Variants in CELF2 observed in about 807,000 individuals in gnomAD.
CELF2 encodes CUG triplet repeat RNA-binding protein 2.
In CELF2, 8 loss-of-function variants were observed where a neutral mutation model predicts 62.6. The observed-to-expected ratio is 0.13, with a 90% CI of 0.07 to 0.23. The LOEUF (loss-of-function observed/expected upper bound fraction) is 0.23. CELF2 is among the 10% of genes least tolerant of loss of function. The pLI is 1.00. For synonymous variants in CELF2, 258 were observed against 250.0 expected (o/e 1.03, Z -0.30); for missense variants, 333 against 671.0 (o/e 0.50, Z 5.56).
chr10:11,321,166 C>A lies in CELF2; in HGVS notation c.1097-23C>A. 1 of 1,612,538 alleles carries A rather than the reference C, an allele frequency of 6.2e-7. No individual in the cohort carries two copies. The highest frequency in any genetic ancestry group is 1.1e-5 in the South Asian group (1 of 91,038). On this transcript the variant is annotated intron_variant, in intron 10 of 12. Transcript: ENST00000633077. This position sits in a 1 kb window ranked among gnomAD's most constrained non-coding sequence, Gnocchi z 6.2. The stretch of plus-strand genomic sequence containing the variant: ...AATGAATAAGTGCTGTTTCTCTTCT[C>A]TATTGTTGGGTTTTTTGTAAAGTTG...
Position 11,191,162 on chromosome 10 carries a change from T to C in CELF2, c.271+25480T>C, listed in dbSNP as rs1013821793. Reference sequence around the variant, plus strand: ...GGGGCCTGATGTATTGAAAGGCACCTGGCTCAGTGCCTGTAACAATGGACA... The same window carrying C: ...GGGGCCTGATGTATTGAAAGGCACCCGGCTCAGTGCCTGTAACAATGGACA... On this transcript the variant is annotated intron_variant, in intron 2 of 12. Transcript: ENST00000633077. This position sits in a 1 kb window ranked among gnomAD's most constrained non-coding sequence, Gnocchi z 4.1. Among the ~76,000 whole-genome samples the C allele has an allele frequency of 1.6e-4, 25 of 152,340 alleles. No individual in the cohort carries two copies. The highest frequency in any genetic ancestry group is 6.0e-4 in the African/African-American group (25 of 41,572).
chr10:10,731,274 A>ACC, the CELF2 span, among the ~76,000 whole-genome samples: 16 of 150,734 alleles, frequency 1.1e-4, no homozygotes, highest in Non-Finnish European at 2.4e-4. Flanking sequence ...ACACACACAC[A>ACC]CCCTCAAAGT....
chr10:10,851,518 G>A (rs548442558), intron 1 of CELF2, among the ~76,000 whole-genome samples: 1 of 152,292 alleles, frequency 6.6e-6, no homozygotes, highest in South Asian at 2.1e-4. Context: ...AAATGTTTGT[G>A]ACCTTGTGTA....
At chr10:10,800,075 A>G (rs964792801) in intron 1 of CELF2, among the ~76,000 whole-genome samples, 1 of 73,372 alleles carries the variant, frequency 1.4e-5, no homozygotes, top group Non-Finnish European at 2.7e-5. Flanking sequence ...CCTATTCATG[A>G]CTCTGTCTTC....
At chr10:10,605,620 C>T in the CELF2 span, among the ~76,000 whole-genome samples, 1 of 152,200 alleles carries the variant, frequency 6.6e-6, no homozygotes, top group African/African-American at 2.4e-5. Flanking sequence ...CAGCTTAGAG[C>T]ATTGACTGGG....
chr10:11,240,328 C>G (rs1031914241), intron 3 of CELF2, among the ~76,000 whole-genome samples: 3 of 152,210 alleles, frequency 2.0e-5, no homozygotes, highest in Non-Finnish European at 4.4e-5. Context: ...CACTTTGATT[C>G]GTTTTATAGA....
chr10:10,779,344 T>C, the CELF2 span, among the ~76,000 whole-genome samples: 4 of 152,172 alleles, frequency 2.6e-5, no homozygotes, highest in Non-Finnish European at 4.4e-5. Context: ...AAAGACTAAA[T>C]ATGAGGACCC....
chr10:10,798,135 G>A (rs2054271382), upstream of CELF2, among the ~76,000 whole-genome samples: 1 of 152,118 alleles, frequency 6.6e-6, no homozygotes, highest in Non-Finnish European at 1.5e-5. Flanking sequence ...AAAACACACA[G>A]TAAAGTCTAG....
At chr10:10,813,775 G>T (rs2399574) in intron 1 of CELF2, among the ~76,000 whole-genome samples, 1 of 152,112 alleles carries the variant, frequency 6.6e-6, no homozygotes, top group Non-Finnish European at 1.5e-5. Context: ...AAAAACAGGT[G>T]TTGGGCTGGA....
At chr10:11,277,042 T>A (rs2086395481) in intron 8 of CELF2, among the ~76,000 whole-genome samples, 2 of 152,334 alleles carry the variant, frequency 1.3e-5, no homozygotes, top group Non-Finnish European at 1.5e-5. Flanking sequence ...GGACAGGCCA[T>A]TCCCTACCAT....
the CELF2 span, among the ~76,000 whole-genome samples, chr10:10,657,762 T>G: frequency 6.6e-6 from 1 of 152,182 alleles, no homozygotes. Flanking sequence ...TTCCATTGTA[T>G]TCATGATATT....
In CELF2 at chr10:11,008,906, G is replaced by A. The variant is rs955474235; in HGVS notation, c.53+3466G>A. 6.8e-6 allele frequency among the ~76,000 whole-genome samples: 1 copy of A among 146,524 alleles called. No homozygotes were observed. Among genetic ancestry groups the A allele is most frequent in the African/African-American group, 2.5e-5 (1 of 40,238 alleles). On this transcript the variant is annotated intron_variant, in intron 1 of 12. Transcript: ENST00000416382. This position sits in a 1 kb window ranked among gnomAD's most constrained non-coding sequence, Gnocchi z 4.5. ...GATCTGTACTTTCTGGAACAGTAAT[G>A]AGCACAAGTCCATTCAGTGGCAATA... is the stretch of plus-strand genomic sequence containing the variant.
chr10:10,620,388 A>C, the CELF2 span, among the ~76,000 whole-genome samples: 2 of 141,940 alleles, frequency 1.4e-5, no homozygotes, highest in African/African-American at 5.2e-5. Flanking sequence ...GGTTGCAGTG[A>C]GCCTAGCTGG....
intron 2 of CELF2, among the ~76,000 whole-genome samples, chr10:11,208,689 A>G (rs1221213346): frequency 6.6e-6 from 1 of 152,158 alleles, no homozygotes; most frequent in African/African-American, 2.4e-5. Context: ...TTAGAGCAGT[A>G]TTTTTAAGTT....
At chr10:10,740,770 C>T in the CELF2 span, among the ~76,000 whole-genome samples, 9 of 152,148 alleles carry the variant, frequency 5.9e-5, no homozygotes, top group Non-Finnish European at 1.5e-5. Flanking sequence ...AGAGATACTG[C>T]CATTTGTGAC....
the CELF2 span, among the ~76,000 whole-genome samples, chr10:10,691,851 G>T: frequency 6.7e-6 from 1 of 148,266 alleles, no homozygotes; most frequent in African/African-American, 2.5e-5. Flanking sequence ...TTTTGATGGG[G>T]TTGTTTGTTT....
At chr10:10,474,608 T>C in the CELF2 span, among the ~76,000 whole-genome samples, 5 of 152,132 alleles carry the variant, frequency 3.3e-5, no homozygotes, top group South Asian at 2.1e-4. Flanking sequence ...GTGACAACCA[T>C]GTAAAATTGG....
At chr10:10,967,409 C>T (rs2050236718) in intron 2 of CELF2, among the ~76,000 whole-genome samples, 1 of 152,086 alleles carries the variant, frequency 6.6e-6, no homozygotes, top group Non-Finnish European at 1.5e-5. Context: ...TCCTACTCCT[C>T]ATTTTCACAT....
intron 1 of CELF2, among the ~76,000 whole-genome samples, chr10:10,817,156 G>C (rs183854592): frequency 1.6e-4 from 24 of 152,292 alleles, no homozygotes; most frequent in African/African-American, 5.3e-4. Flanking sequence ...ATCTGTCTGT[G>C]TTAGGCTAAG....
Sources: allele counts gnomAD v4.1 joint callset (sites outside exome capture counted in the v4.1 genomes callset), GRCh38; gene constraint gnomAD v4.1.1; non-coding constraint Gnocchi (gnomAD v3.1); transcripts MANE v1.5; gene names NCBI Gene and HGNC (gene_info 2026-07-23, HGNC 2026-07-21).